The following NRG3 variants were observed in gnomAD, a reference collection of about 807,000 sequenced individuals.
NRG3 encodes the protein neuregulin 3.
NRG3 carries 31 observed loss-of-function variants against 66.9 expected under a neutral mutation model. The ratio of observed to expected loss-of-function variants is 0.46; its 90% CI spans 0.35 to 0.63. The LOEUF (loss-of-function observed/expected upper bound fraction) is 0.63. Among genes scored for constraint, NRG3 ranks in the 20% least tolerant of loss-of-function variants. The pLI is 0.00. For missense variants in NRG3, 910 were observed against 878.9 expected (o/e 1.04, Z -0.45); for synonymous variants, 393 against 359.4 (o/e 1.09, Z -1.06).
Position 81,995,357 on chromosome 10 carries a change from T to A in NRG3, c.823+119194T>A, listed in dbSNP as rs1266423371. The stretch of plus-strand genomic sequence containing the variant: ...TTGACTGTCCCTGCTTTCCTGCACT[T>A]CTTCTCGTAGGTTCACTGATTTTCC... On this transcript the variant is annotated intron_variant, in intron 1 of 8. Coordinates refer to ENST00000372141, the MANE Select transcript of NRG3 (RefSeq NM_001010848.4). Among the ~76,000 whole-genome samples the A allele has an allele frequency of 2.0e-5, 3 of 152,216 alleles. No homozygotes were observed. The East Asian group carries it at 5.8e-4, about 29-fold the overall frequency.
chr10:81,989,483 G>C (rs993411770), intron 1 of NRG3, among the ~76,000 whole-genome samples: 6 of 152,146 alleles, frequency 3.9e-5, no homozygotes, highest in African/African-American at 1.4e-4. Context: ...TGCAGAGATA[G>C]AATCAAGGAG....
At chr10:81,878,651 TC>T (rs1368275505) in intron 1 of NRG3, among the ~76,000 whole-genome samples, 3 of 152,196 alleles carry the variant, frequency 2.0e-5, no homozygotes. Context: ...AATTTTCTTT[TC>T]CCCAGCTCCT....
chr10:82,688,656 C>T (rs1474153861), intron 2 of NRG3, among the ~76,000 whole-genome samples: 2 of 151,486 alleles, frequency 1.3e-5, no homozygotes, highest in African/African-American at 4.9e-5. Context: ...TATTTATTTC[C>T]CAAGAAGTAA....
chr10:82,604,234 A>G (rs540795871), intron 2 of NRG3, among the ~76,000 whole-genome samples: 1 of 152,114 alleles, frequency 6.6e-6, no homozygotes, highest in East Asian at 1.9e-4. Flanking sequence ...GCAAACTGAT[A>G]TTTTTACTAT....
At chr10:82,171,259 T>A (rs1211069887) in intron 1 of NRG3, among the ~76,000 whole-genome samples, 1 of 152,032 alleles carries the variant, frequency 6.6e-6, no homozygotes, top group Non-Finnish European at 1.5e-5. Flanking sequence ...CCTGGCCCAG[T>A]GATGTACTAA....
intron 1 of NRG3, among the ~76,000 whole-genome samples, chr10:82,330,912 G>T (rs1480271174): frequency 6.6e-6 from 1 of 152,142 alleles, no homozygotes; most frequent in African/African-American, 2.4e-5. Context: ...CCATCTAGTG[G>T]TCTAGTCTGT....
chr10:82,606,543 G>C (rs1590850090), intron 2 of NRG3, among the ~76,000 whole-genome samples: 1 of 152,094 alleles, frequency 6.6e-6, no homozygotes, highest in South Asian at 2.1e-4. Flanking sequence ...GATTGATGTT[G>C]CTGTTCATTT....
chr10:82,674,159 A>G (rs1290958681), intron 2 of NRG3, among the ~76,000 whole-genome samples: 1 of 152,184 alleles, frequency 6.6e-6, no homozygotes, highest in East Asian at 1.9e-4. Context: ...GCAAGTAGTT[A>G]GATTTATTCA....
chr10:82,784,917 T>G lies in NRG3; in HGVS notation c.1027+46267T>G, dbSNP rs2060280939. Reference sequence around the variant, plus strand: ...AGACACATGCACACGTATGTTCATTTCATCACTATTCACAATAGCAAAGAC... The same window carrying G: ...AGACACATGCACACGTATGTTCATTGCATCACTATTCACAATAGCAAAGAC... On this transcript the variant is annotated intron_variant, in intron 3 of 8. Transcript: ENST00000372141. 2.0e-5 allele frequency among the ~76,000 whole-genome samples: 3 copies of G among 152,242 alleles called. 1 individual carries two copies. The South Asian group carries it at 6.2e-4, about 32-fold the overall frequency.
intron 1 of NRG3, among the ~76,000 whole-genome samples, chr10:81,938,938 T>C (rs1848156311): frequency 6.6e-6 from 1 of 152,016 alleles, no homozygotes. Flanking sequence ...TTTCTTCTAT[T>C]CCTAGTTTGT....
intron 1 of NRG3, among the ~76,000 whole-genome samples, chr10:82,298,608 T>A (rs2080212929): frequency 6.6e-6 from 1 of 152,164 alleles, no homozygotes; most frequent in Non-Finnish European, 1.5e-5. Context: ...CATTTAGATT[T>A]TGACAGTCAT....
At chr10:81,911,036 G>T (rs975957257) in intron 1 of NRG3, among the ~76,000 whole-genome samples, 1 of 152,190 alleles carries the variant, frequency 6.6e-6, no homozygotes, top group Non-Finnish European at 1.5e-5. Flanking sequence ...CTTATCCTTG[G>T]AATATATGTA....
chr10:82,717,645 C>T (rs1001798149), intron 2 of NRG3, among the ~76,000 whole-genome samples: 20 of 152,016 alleles, frequency 1.3e-4, no homozygotes, highest in African/African-American at 4.1e-4. Flanking sequence ...CCTCGTGATC[C>T]GCCTGCCTCG....
chr10:82,160,649 A>G (rs992585010), intron 1 of NRG3, among the ~76,000 whole-genome samples: 40 of 151,990 alleles, frequency 2.6e-4, no homozygotes, highest in Non-Finnish European at 3.5e-4. Flanking sequence ...AGAGACAAGA[A>G]CCCTATCAAT....
intron 2 of NRG3, among the ~76,000 whole-genome samples, chr10:82,401,890 G>A (rs2087129820): frequency 1.3e-5 from 2 of 152,004 alleles, no homozygotes; most frequent in South Asian, 2.1e-4. Flanking sequence ...AAAAATATGA[G>A]AGCACCTAGA....
At chr10:82,064,175 CA>C (rs2064316662) in intron 1 of NRG3, among the ~76,000 whole-genome samples, 2 of 152,098 alleles carry the variant, frequency 1.3e-5, no homozygotes, top group East Asian at 3.9e-4. Context: ...ATCATTAGAC[CA>C]AGAGTCAAAA....
At chr10:82,951,772 C>T (rs1176780129) in intron 5 of NRG3, among the ~76,000 whole-genome samples, 2 of 152,132 alleles carry the variant, frequency 1.3e-5, no homozygotes, top group African/African-American at 4.8e-5. Flanking sequence ...TGTGTATGTG[C>T]ACACATGTGT....
intron 4 of NRG3, among the ~76,000 whole-genome samples, chr10:82,916,834 A>T (rs7921379): frequency 6.6e-6 from 1 of 152,020 alleles, no homozygotes; most frequent in Non-Finnish European, 1.5e-5. Flanking sequence ...CAGGCTGGTC[A>T]CAAACTCCTG....
At chr10:82,262,756 G>A (rs1344222907) in intron 1 of NRG3, among the ~76,000 whole-genome samples, 2 of 152,192 alleles carry the variant, frequency 1.3e-5, no homozygotes, top group African/African-American at 4.8e-5. Context: ...TAGGCGCAGT[G>A]TGCCTTCTAT....
Sources: gnomAD v4.1 joint callset for allele counts (sites outside exome capture counted in the v4.1 genomes callset) on GRCh38, gnomAD v4.1.1 for gene constraint, MANE v1.5 for transcripts, NCBI Gene and HGNC (gene_info 2026-07-23, HGNC 2026-07-21) for gene names.